Variants in CACNA2D1 observed in about 807,000 individuals in gnomAD.
CACNA2D1 encodes the protein calcium voltage-gated channel auxiliary subunit alpha2delta 1, also known as voltage-dependent calcium channel subunit alpha-2/delta-1.
A neutral mutation model predicts 171.5 loss-of-function variants in CACNA2D1; 53 were observed. The observed-to-expected ratio is 0.31, with a 90% CI of 0.25 to 0.39. The LOEUF (loss-of-function observed/expected upper bound fraction) is 0.39. Among genes scored for constraint, CACNA2D1 ranks in the 10% least tolerant of loss-of-function variants. The pLI is 1.00. For synonymous variants in CACNA2D1, 442 were observed against 443.1 expected, an observed-to-expected ratio of 1.00 and a Z score of 0.03; for missense variants, 903 against 1,299.8, an observed-to-expected ratio of 0.69 and a Z score of 4.69.
chr7:82,013,470 G>T lies in CACNA2D1; in HGVS notation c.1263C>A (p.Ile421=). ...YEIPSIGAIR[I]NTQEYLDVLG... ...TTTTAAATAATCATACCTGAGTATT[G>T]ATTCTTATTGCACCAATGGAAGGAA... The change falls in exon 14 of 39, where the codon ATC becomes ATA. Residue 421 remains isoleucine (I), a synonymous_variant. Coordinates refer to ENST00000356860, the MANE Select transcript of CACNA2D1 (RefSeq NM_000722.4). The T allele has an allele frequency of 9.2e-7, 1 of 1,090,806 alleles. No homozygotes were observed. Among genetic ancestry groups the T allele is most frequent in the Non-Finnish European group, 1.3e-6 (1 of 784,128 alleles). 67.6% of individuals were successfully genotyped at this position (1,090,806 alleles called of 1,614,324 possible).
chr7:82,113,112 A>C (rs1449273504), intron 6 of CACNA2D1, among the ~76,000 whole-genome samples: 2 of 152,138 alleles, frequency 1.3e-5, no homozygotes, highest in African/African-American at 4.8e-5. Flanking sequence ...GTATAAGGAC[A>C]AAAGTATCTG....
At chr7:81,965,772 A>C (rs1794655378) in intron 31 of CACNA2D1, 107 bp from the exon 32 acceptor site, 1 of 743,482 alleles carries the variant, frequency 1.3e-6, no homozygotes, top group African/African-American at 1.7e-5. Context: ...AGAAAATTTT[A>C]AATGCCTATC....
intron 38 of CACNA2D1, among the ~76,000 whole-genome samples, chr7:81,953,202 T>A (rs1440779136): frequency 6.6e-6 from 1 of 152,136 alleles, no homozygotes; most frequent in African/African-American, 2.4e-5. Flanking sequence ...GCAAAAGCTG[T>A]CTCACTTGTC....
intron 18 of CACNA2D1, among the ~76,000 whole-genome samples, chr7:82,002,469 G>C (rs1323581987): frequency 3.9e-5 from 6 of 152,110 alleles, no homozygotes; most frequent in Non-Finnish European, 7.4e-5. Flanking sequence ...ATATTAAAAA[G>C]TTTTAACGTT....
At chr7:82,359,070 A>C (rs1490120919) in intron 1 of CACNA2D1, among the ~76,000 whole-genome samples, 2 of 152,122 alleles carry the variant, frequency 1.3e-5, no homozygotes, top group Non-Finnish European at 2.9e-5. Context: ...CATCACAATT[A>C]GTTACAACCT....
At chr7:82,427,029 GC>G (rs1829257133) in intron 1 of CACNA2D1, among the ~76,000 whole-genome samples, 1 of 152,062 alleles carries the variant, frequency 6.6e-6, no homozygotes, top group South Asian at 2.1e-4. Context: ...GTATACATAG[GC>G]AAAAACATAG....
intron 1 of CACNA2D1, among the ~76,000 whole-genome samples, chr7:82,386,704 G>C (rs905721225): frequency 5.9e-5 from 9 of 151,426 alleles, no homozygotes; most frequent in African/African-American, 1.9e-4. Context: ...TTGCACTCCA[G>C]CCTGGGCAAT....
At chr7:82,354,723 G>A (rs761978175) in intron 1 of CACNA2D1, among the ~76,000 whole-genome samples, 18 of 152,188 alleles carry the variant, frequency 1.2e-4, no homozygotes, top group African/African-American at 3.1e-4. Flanking sequence ...AGTTTCCACC[G>A]GTACTAGTCA....
At chr7:81,988,064 G>C (rs575874622) in intron 21 of CACNA2D1, among the ~76,000 whole-genome samples, 1 of 152,250 alleles carries the variant, frequency 6.6e-6, no homozygotes, top group South Asian at 2.1e-4. Flanking sequence ...CACCCCAAAA[G>C]TGTCCTTATA....
At chr7:82,130,192 A>G (rs3801748) in intron 5 of CACNA2D1, among the ~76,000 whole-genome samples, 60,282 of 152,022 alleles carry the variant, frequency 0.4, 12,153 homozygotes, top group East Asian at 0.47. Context: ...TAAGAGTTAC[A>G]TCAGCTGCTA....
intron 3 of CACNA2D1, among the ~76,000 whole-genome samples, chr7:82,200,048 G>A (rs1220313025): frequency 6.6e-6 from 1 of 152,002 alleles, no homozygotes; most frequent in Non-Finnish European, 1.5e-5. Flanking sequence ...ACAGAAATTG[G>A]AATAGCATTT....
At position 82,436,114 on chromosome 7, in the gene CACNA2D1, C is replaced by T. The variant is rs138214809; in HGVS notation, c.95+7251G>A. ...TTTGTATTCTCAACATGTAGCTCAGCGCAGTACGTAATTTGCACTGAATAA... is the reference window on the plus strand; with the variant it reads ...TTTGTATTCTCAACATGTAGCTCAGTGCAGTACGTAATTTGCACTGAATAA... On this transcript the variant is annotated intron_variant, in intron 1 of 38. Transcript: ENST00000356860. 6.9e-3 allele frequency among the ~76,000 whole-genome samples: 1,043 copies of T among 152,114 alleles called. 16 individuals carry two copies. Among genetic ancestry groups the T allele is most frequent in the African/African-American group, 0.024 (978 of 41,488 alleles).
At chr7:82,399,603 C>A (rs755818211) in intron 1 of CACNA2D1, among the ~76,000 whole-genome samples, 2 of 151,908 alleles carry the variant, frequency 1.3e-5, no homozygotes, top group African/African-American at 4.8e-5. Flanking sequence ...GGGAGACTGG[C>A]GAATCTTGTA....
intron 21 of CACNA2D1, among the ~76,000 whole-genome samples, chr7:81,985,391 G>A (rs543759683): frequency 6.6e-6 from 1 of 151,996 alleles, no homozygotes; most frequent in East Asian, 1.9e-4. Flanking sequence ...AGTAGAGACA[G>A]GGTTTACACT....
At position 81,967,155 on chromosome 7, in the gene CACNA2D1, A is replaced by C. The variant is rs376879282; in HGVS notation, c.2502+14T>G. 10 of 1,595,054 alleles carry C rather than the reference A, an allele frequency of 6.3e-6. No individual in the cohort carries two copies. Among genetic ancestry groups the C allele is most frequent in the Non-Finnish European group, 8.6e-6 (10 of 1,164,420 alleles). The stretch of plus-strand genomic sequence containing the variant: ...AATATTGTACTCAAAAGTGATTTTA[A>C]ATAGTTTTCTTACGTCACTGTTTCT... On this transcript the variant is annotated intron_variant, in intron 31 of 38. Coordinates refer to ENST00000356860, the MANE Select transcript of CACNA2D1 (RefSeq NM_000722.4).
intron 3 of CACNA2D1, among the ~76,000 whole-genome samples, chr7:82,254,457 AAT>A (rs140558483): frequency 0.031 from 4,748 of 151,904 alleles, 242 homozygotes; most frequent in African/African-American, 0.11. Context: ...ATTATGATTT[AAT>A]ATATATATAT....
At chr7:82,253,174 C>A (rs1179706014) in intron 3 of CACNA2D1, among the ~76,000 whole-genome samples, 1 of 151,996 alleles carries the variant, frequency 6.6e-6, no homozygotes, top group East Asian at 1.9e-4. Context: ...GATTTCATAA[C>A]AAAGAGAATG....
At chr7:82,231,063 G>T (rs1171262559) in intron 3 of CACNA2D1, among the ~76,000 whole-genome samples, 1 of 152,202 alleles carries the variant, frequency 6.6e-6, no homozygotes, top group Non-Finnish European at 1.5e-5. Context: ...TTCTTTTAAT[G>T]AGCTGGTATG....
intron 1 of CACNA2D1, among the ~76,000 whole-genome samples, chr7:82,369,087 T>A (rs2299180): frequency 0.14 from 20,697 of 152,168 alleles, 1,716 homozygotes; most frequent in South Asian, 0.26. Context: ...CTTTTAAGGT[T>A]AAATTTAATA....
Sources: allele counts gnomAD v4.1 joint callset (sites outside exome capture counted in the v4.1 genomes callset), GRCh38; gene constraint gnomAD v4.1.1; transcripts MANE v1.5; gene names NCBI Gene and HGNC (gene_info 2026-07-23, HGNC 2026-07-21).